Variants in ATP11A observed in about 807,000 individuals in gnomAD.
ATP11A encodes phospholipid-transporting ATPase IH.
Under a neutral mutation model 154.4 loss-of-function variants are expected in ATP11A, and 81 were observed. The observed-to-expected ratio is 0.52, with a 90% confidence interval of 0.44 to 0.63. The LOEUF (loss-of-function observed/expected upper bound fraction) is 0.63. Ranked by LOEUF, ATP11A falls within the 30% of genes least tolerant of loss-of-function variation. ATP11A has a pLI of 0.00. For missense variants in ATP11A, 1,316 were observed against 1,474.3 expected, an observed-to-expected ratio of 0.89 and a Z score of 1.76; for synonymous variants, 623 against 585.9, an observed-to-expected ratio of 1.06 and a Z score of -0.91.
intron 2 of ATP11A, among the ~76,000 whole-genome samples, chr13:112,797,753 C>T (rs1296730099): frequency 6.6e-6 from 1 of 152,120 alleles, no homozygotes; most frequent in Non-Finnish European, 1.5e-5. Context: ...TGCCAGTAGA[C>T]CTCCCTTGCA....
chr13:112,826,653 C>T, intron 11 of ATP11A, 41 bp from the exon 12 acceptor site: 1 of 1,573,764 alleles, frequency 6.4e-7, no homozygotes, highest in East Asian at 2.2e-5. Flanking sequence ...CCTGCTGTCC[C>T]TCCTGGTGGA....
chr13:112,871,651 G>A (rs1352589413), intron 25 of ATP11A, 84 bp from the exon 26 acceptor site: 18 of 1,258,572 alleles, frequency 1.4e-5, no homozygotes, highest in South Asian at 1.2e-5. Flanking sequence ...AGAAAAATGA[G>A]GTGTATTTTC....
At position 112,753,190 on chromosome 13, in the gene ATP11A, G is replaced by C. The variant is rs1485487729; in HGVS notation, c.40-31945G>C. ...CGTGTTATGTGGATGGCGTGCATGT[G>C]TCTGCACAGCTGCGTGATGTTCCCC... is the stretch of plus-strand genomic sequence containing the variant. On this transcript the variant is annotated intron_variant, in intron 1 of 29. Transcript: ENST00000375645. This position sits in a 1 kb window ranked among gnomAD's most constrained non-coding sequence, Gnocchi z 4.1. Among the ~76,000 whole-genome samples the C allele has an allele frequency of 6.6e-6, 1 of 152,160 alleles. No individual in the cohort carries two copies. The highest frequency in any genetic ancestry group is 1.9e-4 in the East Asian group (1 of 5,196).
At chr13:112,710,508 C>T (rs112620553) in intron 1 of ATP11A, among the ~76,000 whole-genome samples, 1 of 152,308 alleles carries the variant, frequency 6.6e-6, no homozygotes, top group East Asian at 1.9e-4. Context: ...GGAGCCATCT[C>T]GACTAGAACG....
At chr13:112,819,436 A>T (rs2078735757) in intron 7 of ATP11A, 29 bp downstream of exon 7, 1 of 1,606,874 alleles carries the variant, frequency 6.2e-7, no homozygotes, top group South Asian at 1.1e-5. Context: ...TTCTTTAGAA[A>T]CGGTTTTTTA....
In ATP11A at chr13:112,862,434, CA is replaced by C. The variant is rs779963583; in HGVS notation, c.2856-5del. ...GACACACGCTGTGCACCTTTCTCCT[CA>C]CCAGGGACGTCGCCAAGAATGCCCT... On this transcript the variant is annotated splice_region_variant and splice_polypyrimidine_tract_variant and intron_variant, in intron 24 of 29. Coordinates refer to ENST00000375645, the MANE Select transcript of ATP11A (RefSeq NM_015205.3). The C allele has an allele frequency of 1.2e-6, 2 of 1,613,266 alleles. No homozygotes were observed. Among genetic ancestry groups the C allele is most frequent in the Non-Finnish European group, 1.7e-6 (2 of 1,179,954 alleles).
At chr13:112,828,116 G>T in intron 12 of ATP11A, among the ~76,000 whole-genome samples, 1 of 148,588 alleles carries the variant, frequency 6.7e-6, no homozygotes, top group African/African-American at 2.5e-5. Context: ...GTTGAGTGGG[G>T]GGAAGCGCCC....
chr13:112,812,688 A>C (rs2078534560), intron 5 of ATP11A, among the ~76,000 whole-genome samples: 2 of 152,242 alleles, frequency 1.3e-5, no homozygotes, highest in South Asian at 4.1e-4. Flanking sequence ...ACACGTCACC[A>C]AATGTACTTT....
chr13:112,702,984 A>G (rs1426515218), intron 1 of ATP11A, among the ~76,000 whole-genome samples: 1 of 152,254 alleles, frequency 6.6e-6, no homozygotes, highest in Non-Finnish European at 1.5e-5. Flanking sequence ...ATTGTTTACG[A>G]CATGATTCTC....
chr13:112,809,908 G>A (rs759759499), intron 4 of ATP11A, among the ~76,000 whole-genome samples: 13 of 152,208 alleles, frequency 8.5e-5, no homozygotes, highest in Non-Finnish European at 1.5e-4. Flanking sequence ...ACGTGTCTGC[G>A]CCAGTGGAAG....
chr13:112,876,807 C>G (rs1410352806), intron 28 of ATP11A, among the ~76,000 whole-genome samples: 2 of 152,162 alleles, frequency 1.3e-5, no homozygotes, highest in African/African-American at 4.8e-5. Flanking sequence ...CCAGCCCTGA[C>G]TCACTCACGT....
At chr13:112,772,609 G>C (rs1169782378) in intron 1 of ATP11A, among the ~76,000 whole-genome samples, 1 of 143,980 alleles carries the variant, frequency 6.9e-6, no homozygotes, top group African/African-American at 2.5e-5. Flanking sequence ...CCCGTGCCCA[G>C]TACCAGGTGC....
intron 18 of ATP11A, among the ~76,000 whole-genome samples, chr13:112,853,666 C>T (rs1418301299): frequency 6.6e-6 from 1 of 152,154 alleles, no homozygotes; most frequent in Non-Finnish European, 1.5e-5. Flanking sequence ...GTGGTGCTAG[C>T]GTCCTTACTC....
chr13:112,870,737 A>G (rs943002343), intron 25 of ATP11A, among the ~76,000 whole-genome samples: 1 of 152,180 alleles, frequency 6.6e-6, no homozygotes, highest in Non-Finnish European at 1.5e-5. Flanking sequence ...GAATCCGATA[A>G]ACTAGAAATC....
intron 1 of ATP11A, among the ~76,000 whole-genome samples, chr13:112,718,491 C>T (rs981421788): frequency 2.6e-5 from 4 of 152,178 alleles, no homozygotes; most frequent in Admixed American, 1.3e-4. Flanking sequence ...CCCCAGAGGG[C>T]AGCCGCCTCC....
At chr13:112,720,817 A>G (rs561056461) in intron 1 of ATP11A, among the ~76,000 whole-genome samples, 65 of 152,210 alleles carry the variant, frequency 4.3e-4, no homozygotes, top group Admixed American at 7.8e-4. Context: ...TGGCCTCTCA[A>G]AGTGCTGAGA....
chr13:112,864,130 ACG>A (rs2080230546), intron 25 of ATP11A, among the ~76,000 whole-genome samples: 1 of 45,860 alleles, frequency 2.2e-5, no homozygotes, highest in African/African-American at 8.0e-5. Flanking sequence ...TCAGTGCAGC[ACG>A]TGCAGCTTCC....
At chr13:112,801,576 A>G (rs528801107) in intron 2 of ATP11A, among the ~76,000 whole-genome samples, 3 of 152,238 alleles carry the variant, frequency 2.0e-5, no homozygotes, top group Non-Finnish European at 4.4e-5. Context: ...AAACTTCTGG[A>G]TGTTAGAGGC....
chr13:112,820,288 C>T (rs968209328), intron 8 of ATP11A, among the ~76,000 whole-genome samples: 16 of 152,164 alleles, frequency 1.1e-4, no homozygotes, highest in Non-Finnish European at 2.1e-4. Context: ...TTTCATGATT[C>T]GGGTACTGAT....
Sources: allele counts gnomAD v4.1 joint callset (sites outside exome capture counted in the v4.1 genomes callset), GRCh38; gene constraint gnomAD v4.1.1; non-coding constraint Gnocchi (gnomAD v3.1); transcripts MANE v1.5; gene names NCBI Gene and HGNC (gene_info 2026-07-23, HGNC 2026-07-21).